FGF13: variants seen among roughly 807,000 people sequenced by gnomAD.
The protein encoded by FGF13 is fibroblast growth factor 13, also known as fibroblast growth factor homologous factor 2.
A neutral mutation model predicts 19.5 loss-of-function variants in FGF13; 2 were observed. The ratio of observed to expected loss-of-function variants is 0.10; its 90% confidence interval spans 0.04 to 0.32. The LOEUF (loss-of-function observed/expected upper bound fraction) is 0.32. Among genes scored for constraint, FGF13 ranks in the 10% least tolerant of loss-of-function variants. The pLI, the probability that FGF13 is intolerant of heterozygous loss-of-function variation, is 1.00. For missense variants in FGF13, 113 were observed against 192.7 expected (o/e 0.59, Z 2.45); for synonymous variants, 72 against 76.9 (o/e 0.94, Z 0.33).
At chrX:138,823,666 C>T (rs1468782646) in intron 3 of FGF13, among the ~76,000 whole-genome samples, 1 of 111,514 alleles carries the variant, frequency 9.0e-6, no homozygotes, top group South Asian at 3.8e-4. Flanking sequence ...TACAATTACT[C>T]CTGCTATTAC....
chrX:139,010,261 CAAAG>C (rs1483864072), intron 1 of FGF13, among the ~76,000 whole-genome samples: 3 of 111,048 alleles, frequency 2.7e-5, no homozygotes, highest in Non-Finnish European at 5.7e-5. Flanking sequence ...AAAAAGTCAA[CAAAG>C]GAATGATGGA....
At chrX:139,160,149 C>A (rs920007964) in intron 1 of FGF13, among the ~76,000 whole-genome samples, 1 of 112,036 alleles carries the variant, frequency 8.9e-6, no homozygotes, top group Non-Finnish European at 1.9e-5. Context: ...TCTCTCAGAC[C>A]ACAGTGCAAT....
chrX:138,883,955 A>G (rs1325000943), intron 1 of FGF13, among the ~76,000 whole-genome samples: 1 of 112,431 alleles, frequency 8.9e-6, no homozygotes, highest in African/African-American at 3.2e-5. Flanking sequence ...TTTCTCCAGA[A>G]GGGTATAGCA....
intron 3 of FGF13, among the ~76,000 whole-genome samples, chrX:138,802,290 G>A (rs910802297): frequency 1.8e-5 from 2 of 111,884 alleles, no homozygotes; most frequent in Non-Finnish European, 3.8e-5. Flanking sequence ...CATGGGAAAA[G>A]CATAGTATGT....
intron 1 of FGF13, among the ~76,000 whole-genome samples, chrX:139,197,683 T>C (rs992713722): frequency 9.0e-6 from 1 of 110,943 alleles, no homozygotes; most frequent in Admixed American, 9.6e-5. Flanking sequence ...GAAAAACTAA[T>C]AGATGATGAT....
intron 1 of FGF13, among the ~76,000 whole-genome samples, chrX:138,969,894 C>A (rs1175026648): frequency 8.9e-6 from 1 of 111,830 alleles, no homozygotes; most frequent in East Asian, 2.8e-4. Context: ...GACTCACCTA[C>A]CATAATAGCT....
At chrX:138,969,304 G>A (rs2091906488) in intron 1 of FGF13, among the ~76,000 whole-genome samples, 1 of 111,664 alleles carries the variant, frequency 9.0e-6, no homozygotes, top group Non-Finnish European at 1.9e-5. Context: ...CATGAACTGA[G>A]GTAGTGGCAG....
chrX:138,804,469 G>C (rs2090851539), intron 3 of FGF13, among the ~76,000 whole-genome samples: 1 of 111,929 alleles, frequency 8.9e-6, no homozygotes, highest in Non-Finnish European at 1.9e-5. Flanking sequence ...ATTATTTGGA[G>C]CCATTAATTG....
At chrX:139,183,866 T>C (rs999770446) in intron 1 of FGF13, among the ~76,000 whole-genome samples, 7 of 111,716 alleles carry the variant, frequency 6.3e-5, no homozygotes, top group Admixed American at 5.7e-4. Context: ...CTCCATGACT[T>C]TGACTCACAT....
chrX:138,784,072 A>AC (rs1352369664), intron 3 of FGF13, among the ~76,000 whole-genome samples: 1 of 98,344 alleles, frequency 1.0e-5, no homozygotes, highest in African/African-American at 3.7e-5. Context: ...AGAACAAAAA[A>AC]CCAAACACCG....
intron 1 of FGF13, among the ~76,000 whole-genome samples, chrX:138,980,127 A>G (rs1358594815): frequency 8.9e-6 from 1 of 112,303 alleles, no homozygotes; most frequent in Non-Finnish European, 1.9e-5. Flanking sequence ...ATGAACAGTT[A>G]TGTAGTTTTT....
chrX:139,038,823 T>A lies in FGF13; in HGVS notation c.-113+164593A>T, dbSNP rs1393438023. Among the ~76,000 whole-genome samples the A allele has an allele frequency of 2.7e-5, 3 of 112,198 alleles. No individual in the cohort carries two copies. In the Admixed American group the frequency reaches 2.9e-4, roughly 11 times the overall value. On this transcript the variant is annotated intron_variant, in intron 1 of 2. Transcript: ENST00000421460. Reference sequence around the variant, plus strand: ...TGTCTTTCTCCAAAAGGGCAAGAGATCATGTCTATATTATTCTCCCAGGGC... The same window carrying A: ...TGTCTTTCTCCAAAAGGGCAAGAGAACATGTCTATATTATTCTCCCAGGGC...
chrX:138,855,904 C>T (rs1043429029), downstream of FGF13, among the ~76,000 whole-genome samples: 4 of 110,567 alleles, frequency 3.6e-5, no homozygotes, highest in Non-Finnish European at 7.6e-5. Context: ...TCTTAACTGG[C>T]TTATTTTTCT....
chrX:138,633,106 A>G (rs2089139810), intron 4 of FGF13, 120 bp from the exon 5 acceptor site: 1 of 687,827 alleles, frequency 1.5e-6, no homozygotes, highest in Admixed American at 3.9e-5. Context: ...TATGTGAGGT[A>G]ATGCATATGT....
At chrX:138,970,021 A>G (rs1441687060) in intron 1 of FGF13, among the ~76,000 whole-genome samples, 1 of 111,934 alleles carries the variant, frequency 8.9e-6, no homozygotes, top group Non-Finnish European at 1.9e-5. Flanking sequence ...TGTACATGCC[A>G]TCTACAGCTA....
rs148730225 is a variant in FGF13 at position 139,066,957 on chromosome X, G to A, written c.-113+136459C>T. ...CACGATCAAGTCGGCTTCATCCCTC[G>A]GATGCAAGGCTGGTTCAACATACAC... On this transcript the variant is annotated intron_variant, in intron 1 of 2. Transcript: ENST00000421460. 7.8e-3 allele frequency among the ~76,000 whole-genome samples: 864 copies of A among 111,404 alleles called. 7 individuals carry two copies. Among genetic ancestry groups the A allele is most frequent in the African/African-American group, 0.027 (816 of 30,616 alleles).
At chrX:138,968,908 C>T (rs765795915) in intron 1 of FGF13, among the ~76,000 whole-genome samples, 4 of 112,127 alleles carry the variant, frequency 3.6e-5, no homozygotes, top group African/African-American at 1.3e-4. Flanking sequence ...GAAGAAAGGG[C>T]CTTTTGTCTG....
At chrX:138,677,062 G>A (rs751985071) in intron 3 of FGF13, among the ~76,000 whole-genome samples, 3 of 112,138 alleles carry the variant, frequency 2.7e-5, no homozygotes, top group East Asian at 2.8e-4. Flanking sequence ...TTCAAATTTC[G>A]TTGATCCTTT....
chrX:138,754,960 C>G (rs1057408449), intron 3 of FGF13, among the ~76,000 whole-genome samples: 1 of 111,746 alleles, frequency 8.9e-6, no homozygotes, highest in Non-Finnish European at 1.9e-5. Flanking sequence ...AGACTTCTCT[C>G]CATGCACCTT....
Sources: gnomAD v4.1 joint callset for allele counts (sites outside exome capture counted in the v4.1 genomes callset) on GRCh38, gnomAD v4.1.1 for gene constraint, MANE v1.5 for transcripts, NCBI Gene and HGNC (gene_info 2026-07-23, HGNC 2026-07-21) for gene names.